The following CRTAC1 variants were observed in gnomAD, a reference collection of about 807,000 sequenced individuals.
CRTAC1 encodes the protein cartilage acidic protein 1.
CRTAC1 carries 37 observed loss-of-function variants against 67.8 expected under a neutral mutation model. That is an observed-to-expected ratio of 0.55 (90% CI 0.42 to 0.72). The LOEUF (loss-of-function observed/expected upper bound fraction) is 0.72. Ranked by LOEUF, CRTAC1 falls within the 30% of genes least tolerant of loss-of-function variation. CRTAC1 has a pLI of 0.00. For synonymous variants in CRTAC1, 348 were observed against 371.0 expected, an observed-to-expected ratio of 0.94 and a Z score of 0.71; for missense variants, 780 against 931.6, an observed-to-expected ratio of 0.84 and a Z score of 2.12.
intron 1 of CRTAC1, among the ~76,000 whole-genome samples, chr10:98,024,787 C>T (rs1399922486): frequency 1.3e-5 from 1 of 79,922 alleles, no homozygotes; most frequent in African/African-American, 5.6e-5. Context: ...TCTAAGACCA[C>T]CTCTCCACCA....
In CRTAC1 at chr10:97,964,849, C is replaced by T. The variant is rs533486426; in HGVS notation, c.225-28483G>A. On this transcript the variant is annotated intron_variant, in intron 2 of 14. Transcript: ENST00000370597. ...AAGTTGGTCATTAGCATATGTAAGGCGCTTGTCATGATTTGTGGTAAGACT... is the reference window on the plus strand; with the variant it reads ...AAGTTGGTCATTAGCATATGTAAGGTGCTTGTCATGATTTGTGGTAAGACT... 1.4e-4 allele frequency among the ~76,000 whole-genome samples: 22 copies of T among 152,262 alleles called. No individual in the cohort carries two copies. The South Asian group carries it at 3.1e-3, about 22-fold the overall frequency.
intron 5 of CRTAC1, among the ~76,000 whole-genome samples, chr10:97,909,671 T>C (rs1019257183): frequency 1.3e-5 from 2 of 152,104 alleles, no homozygotes; most frequent in African/African-American, 4.8e-5. Context: ...AAAATAGAAC[T>C]GCCATATGAT....
intron 6 of CRTAC1, among the ~76,000 whole-genome samples, chr10:97,907,313 T>C (rs927767239): frequency 6.6e-6 from 1 of 151,722 alleles, no homozygotes; most frequent in African/African-American, 2.4e-5. Context: ...AGAGGTGATA[T>C]TTGAGGTGAA....
intron 2 of CRTAC1, among the ~76,000 whole-genome samples, chr10:97,990,460 C>A (rs941576408): frequency 1.3e-5 from 2 of 152,186 alleles, no homozygotes; most frequent in Non-Finnish European, 2.9e-5. Flanking sequence ...CTGATTAATT[C>A]ATGGATTGCC....
At chr10:97,939,666 C>T (rs2051142481) in intron 2 of CRTAC1, among the ~76,000 whole-genome samples, 1 of 152,100 alleles carries the variant, frequency 6.6e-6, no homozygotes, top group Non-Finnish European at 1.5e-5. Context: ...TTCTTCCCTC[C>T]CCGCTTCTTC....
rs374939030 is a variant in CRTAC1, at chr10:97,896,958, G to A, written c.1167C>T (p.Ile389=). ...VIRREHGDPL[I]EELNPGDALE... is the part of the protein sequence containing the mutation. The stretch of plus-strand genomic sequence containing the variant: ...AGGCGTCGCCGGGATTGAGCTCCTC[G>A]ATGAGGGGGTCTCCGTGCTCTCTAC... Residue 389 remains isoleucine (I), a synonymous_variant, in exon 9 of 15, where the codon ATC becomes ATT. Coordinates refer to ENST00000370597, the MANE Select transcript of CRTAC1 (RefSeq NM_018058.7). 5 of 1,560,686 alleles carry A rather than the reference G, an allele frequency of 3.2e-6. No individual in the cohort carries two copies. Among genetic ancestry groups the A allele is most frequent in the African/African-American group, 2.7e-5 (2 of 73,756 alleles).
intron 1 of CRTAC1, among the ~76,000 whole-genome samples, chr10:98,022,097 T>C (rs546038650): frequency 2.0e-4 from 31 of 152,216 alleles, no homozygotes; most frequent in African/African-American, 7.0e-4. Flanking sequence ...GGCTCACACC[T>C]GTAATCCCAG....
intron 9 of CRTAC1, 122 bp from the exon 10 acceptor site, chr10:97,896,107 G>T: frequency 1.3e-6 from 1 of 796,670 alleles, no homozygotes. Flanking sequence ...CACAGCACCG[G>T]GGCAGGAAGG....
At chr10:97,998,986 TAA>T (rs113278784) in intron 2 of CRTAC1, among the ~76,000 whole-genome samples, 1 of 147,820 alleles carries the variant, frequency 6.8e-6, no homozygotes, top group South Asian at 2.1e-4. Flanking sequence ...TCAATAGGGG[TAA>T]AAAAAAAATG....
At chr10:97,872,081 AAGGGCAGGG>A (rs1221846008) in intron 14 of CRTAC1, among the ~76,000 whole-genome samples, 3 of 152,118 alleles carry the variant, frequency 2.0e-5, no homozygotes, top group Non-Finnish European at 4.4e-5. Context: ...TACACTTCTC[AAGGGCAGGG>A]AGCCTGTCTT....
chr10:97,892,815 C>A (rs762854278), intron 11 of CRTAC1, among the ~76,000 whole-genome samples: 1 of 152,202 alleles, frequency 6.6e-6, no homozygotes, highest in African/African-American at 2.4e-5. Flanking sequence ...AACACTCCAA[C>A]CTCAGGCTGA....
rs140011726 is a variant in CRTAC1 at position 97,911,030 on chromosome 10, A to G, written c.716-2883T>C. Among the ~76,000 whole-genome samples the G allele has an allele frequency of 3.3e-5, 5 of 152,348 alleles. No homozygotes were observed. The South Asian group carries it at 8.3e-4, about 25-fold the overall frequency. On this transcript the variant is annotated intron_variant, in intron 5 of 14. Transcript: ENST00000370597. ...GCTTCCAGAGGCCTGTCCTAAAGCC[A>G]GCAGGAAAGGATGTGGGGTCACAAC...
intron 2 of CRTAC1, among the ~76,000 whole-genome samples, chr10:97,946,843 A>C (rs1370970404): frequency 6.6e-6 from 1 of 152,128 alleles, no homozygotes; most frequent in African/African-American, 2.4e-5. Flanking sequence ...AATTGGAACA[A>C]TGTTTGAGTC....
intron 5 of CRTAC1, among the ~76,000 whole-genome samples, chr10:97,910,824 T>C (rs2050680077): frequency 6.6e-6 from 1 of 152,174 alleles, no homozygotes; most frequent in South Asian, 2.1e-4. Context: ...CTTATTGCGC[T>C]CATAGTTAAC....
chr10:97,982,240 T>C (rs1258253213), intron 2 of CRTAC1, among the ~76,000 whole-genome samples: 1 of 152,266 alleles, frequency 6.6e-6, no homozygotes, highest in Non-Finnish European at 1.5e-5. Flanking sequence ...AGTTATTTTC[T>C]CTATGATGCG....
At chr10:97,929,100 A>C (rs951455578) in intron 3 of CRTAC1, among the ~76,000 whole-genome samples, 2 of 151,992 alleles carry the variant, frequency 1.3e-5, no homozygotes, top group African/African-American at 4.8e-5. Context: ...GGAGCTGTCC[A>C]AAATGTGGAA....
intron 2 of CRTAC1, among the ~76,000 whole-genome samples, chr10:97,937,314 C>T (rs2051105532): frequency 6.6e-6 from 1 of 152,082 alleles, no homozygotes; most frequent in Admixed American, 6.5e-5. Flanking sequence ...AACCTTTGCT[C>T]CCCTGTTCCT....
chr10:97,868,490 G>A (rs138156624), intron 14 of CRTAC1: 1 of 152,278 alleles, frequency 6.6e-6, no homozygotes, highest in Non-Finnish European at 1.5e-5. Context: ...TCAGACTGTG[G>A]GGACAACGGC....
At chr10:97,957,232 T>C (rs2051455647) in intron 2 of CRTAC1, among the ~76,000 whole-genome samples, 1 of 152,056 alleles carries the variant, frequency 6.6e-6, no homozygotes, top group African/African-American at 2.4e-5. Context: ...AGGGTAATGG[T>C]AGACTTCTTA....
Sources: gnomAD v4.1 joint callset for allele counts (sites outside exome capture counted in the v4.1 genomes callset) on GRCh38, gnomAD v4.1.1 for gene constraint, MANE v1.5 for transcripts, NCBI Gene and HGNC (gene_info 2026-07-23, HGNC 2026-07-21) for gene names.